Variants in AP3M1 observed in about 807,000 individuals in gnomAD.
AP3M1 encodes AP-3 complex subunit mu-1.
In AP3M1, 29 loss-of-function variants were observed where a neutral mutation model predicts 42.6. The observed-to-expected ratio is 0.68, with a 90% CI of 0.51 to 0.93. The LOEUF (loss-of-function observed/expected upper bound fraction) is 0.93, where lower values mean the gene tolerates loss of function less well. AP3M1 is among the 40% of genes least tolerant of loss of function. The pLI is 0.00. For synonymous variants in AP3M1, 178 were observed against 175.3 expected (o/e 1.02, Z -0.12); for missense variants, 416 against 510.2 (o/e 0.82, Z 1.78).
rs1213413784 is a variant in AP3M1 at position 74,127,557 on chromosome 10, G to A, written c.804-1202C>T. On this transcript the variant is annotated intron_variant, in intron 6 of 8. Coordinates refer to ENST00000355264, the MANE Select transcript of AP3M1 (RefSeq NM_012095.6). ...GCCTGTAATCCCAGCTACTTGGGAG[G>A]CTGAGGCAGGAGAATCGCTTGAACC... 1.1e-4 allele frequency among the ~76,000 whole-genome samples: 16 copies of A among 151,968 alleles called. 1 individual carries two copies. The highest frequency in any genetic ancestry group is 1.0e-3 in the Admixed American group (16 of 15,258).
intron 1 of AP3M1, among the ~76,000 whole-genome samples, chr10:74,142,012 C>A (rs975541221): frequency 1.3e-5 from 2 of 152,032 alleles, no homozygotes; most frequent in African/African-American, 4.8e-5. Flanking sequence ...TGAGACACCG[C>A]ACCTGGCCAA....
intron 4 of AP3M1, among the ~76,000 whole-genome samples, chr10:74,133,648 A>C (rs922329832): frequency 6.6e-6 from 1 of 151,236 alleles, no homozygotes; most frequent in Non-Finnish European, 1.5e-5. Context: ...AAGGACTTCA[A>C]TTTTCTTTTC....
At chr10:74,126,664 C>G (rs1048524215) in intron 6 of AP3M1, among the ~76,000 whole-genome samples, 3 of 151,954 alleles carry the variant, frequency 2.0e-5, no homozygotes, top group Non-Finnish European at 4.4e-5. Flanking sequence ...TGAGACCAGC[C>G]TGGCCAACAT....
At position 74,134,177 on chromosome 10, in the gene AP3M1, A is replaced by C; in HGVS notation, c.446-13T>G. The C allele has an allele frequency of 6.2e-7, 1 of 1,611,400 alleles. No individual in the cohort carries two copies. The highest frequency in any genetic ancestry group is 8.5e-7 in the Non-Finnish European group (1 of 1,178,988). ...ACATTACTACTGCCTAGAAACCAAA[A>C]AAGGAGAAGGCAAAGCTGATGTATA... On this transcript the variant is annotated splice_polypyrimidine_tract_variant and intron_variant, in intron 3 of 8. Transcript: ENST00000355264.
chr10:74,133,622 C>A (rs560626271), intron 4 of AP3M1, among the ~76,000 whole-genome samples: 1 of 151,474 alleles, frequency 6.6e-6, no homozygotes, highest in South Asian at 2.1e-4. Context: ...GCCTTTCCAC[C>A]GAAACCATAC....
At chr10:74,134,233 A>G in intron 3 of AP3M1, 69 bp from the exon 4 acceptor site, 1 of 1,505,178 alleles carries the variant, frequency 6.6e-7, no homozygotes, top group Non-Finnish European at 9.0e-7. Context: ...ATTACTAGGA[A>G]AAAAAAAGCT....
chr10:74,131,808 C>T (rs1840787266), intron 4 of AP3M1, among the ~76,000 whole-genome samples: 1 of 152,074 alleles, frequency 6.6e-6, no homozygotes, highest in South Asian at 2.1e-4. Context: ...TCCCAAAGTG[C>T]TGGGATTACA....
At chr10:74,141,569 T>C (rs1191056216) in intron 1 of AP3M1, among the ~76,000 whole-genome samples, 1 of 152,154 alleles carries the variant, frequency 6.6e-6, no homozygotes, top group Non-Finnish European at 1.5e-5. Context: ...CAAAAGAATA[T>C]ACACAGTATG....
intron 8 of AP3M1, among the ~76,000 whole-genome samples, chr10:74,124,163 T>C (rs944831286): frequency 6.6e-6 from 1 of 152,214 alleles, no homozygotes; most frequent in African/African-American, 2.4e-5. Context: ...TTTTGGTGCT[T>C]AAATGAGGGC....
intron 3 of AP3M1, among the ~76,000 whole-genome samples, chr10:74,136,356 T>A (rs1840942560): frequency 6.6e-6 from 1 of 152,144 alleles, no homozygotes. Flanking sequence ...ACTGGAACAA[T>A]TTATTCAGTC....
rs144240847 is a variant in AP3M1 at position 74,130,598 on chromosome 10, G to A, written c.584-606C>T. On this transcript the variant is annotated intron_variant, in intron 4 of 8. Coordinates refer to ENST00000355264, the MANE Select transcript of AP3M1 (RefSeq NM_012095.6). Reference sequence around the variant, plus strand: ...TGGTACTACAGGCATGCACCTCCACGCCTGGCTAATTTTTGTATTTTTTTT... The same window carrying A: ...TGGTACTACAGGCATGCACCTCCACACCTGGCTAATTTTTGTATTTTTTTT... 4.6e-3 allele frequency among the ~76,000 whole-genome samples: 694 copies of A among 151,536 alleles called. 6 individuals carry two copies. Among genetic ancestry groups the A allele is most frequent in the African/African-American group, 0.015 (632 of 41,336 alleles).
intron 1 of AP3M1, among the ~76,000 whole-genome samples, chr10:74,149,775 C>A (rs796933845): frequency 1.3e-5 from 2 of 152,232 alleles, no homozygotes; most frequent in South Asian, 2.1e-4. Context: ...TTGCTTCCTG[C>A]CCCCAAATAG....
At chr10:74,149,291 T>G (rs1841448194) in intron 1 of AP3M1, among the ~76,000 whole-genome samples, 4 of 104,576 alleles carry the variant, frequency 3.8e-5, no homozygotes, top group African/African-American at 9.6e-5. Context: ...TTTTTTTTTT[T>G]TTTTTTTTTT....
At chr10:74,126,069 C>A in intron 7 of AP3M1, 79 bp downstream of exon 7, 1 of 1,482,550 alleles carries the variant, frequency 6.7e-7, no homozygotes, top group Non-Finnish European at 9.4e-7. Flanking sequence ...GGTGCCAAAC[C>A]TTTCCCTCCA....
chr10:74,146,111 G>A (rs914211226), intron 1 of AP3M1, among the ~76,000 whole-genome samples: 6 of 152,164 alleles, frequency 3.9e-5, no homozygotes, highest in Non-Finnish European at 8.8e-5. Context: ...TAATTCCTAC[G>A]ATGATACAGG....
intron 1 of AP3M1, among the ~76,000 whole-genome samples, chr10:74,149,052 T>C (rs1350775331): frequency 6.6e-6 from 1 of 151,526 alleles, no homozygotes; most frequent in African/African-American, 2.4e-5. Context: ...TTTATATTTT[T>C]AGTAGTGACG....
rs1441482231 is a variant in AP3M1 at position 74,122,058 on chromosome 10, C to G, written c.*1752G>C. 2 of 151,964 alleles carry G rather than the reference C, an allele frequency of 1.3e-5. No individual in the cohort carries two copies. The highest frequency in any genetic ancestry group is 2.9e-5 in the Non-Finnish European group (2 of 68,020). The allele number at this position is 151,964 out of a possible 1,614,324, so 9.4% of individuals were successfully genotyped here. On this transcript the variant is annotated 3_prime_UTR_variant, in exon 9 of 9. Coordinates refer to ENST00000355264, the MANE Select transcript of AP3M1 (RefSeq NM_012095.6). The stretch of plus-strand genomic sequence containing the variant: ...TTTTGAGGTACGAACTCTGAAGAGT[C>G]AAGACATTAAAAATAAAAAGCAATT...
At chr10:74,136,491 G>T in intron 3 of AP3M1, 141 bp downstream of exon 3, 1 of 531,156 alleles carries the variant, frequency 1.9e-6, no homozygotes, top group Non-Finnish European at 3.0e-6. Flanking sequence ...TAAATATATA[G>T]TACATCCATT....
intron 1 of AP3M1, among the ~76,000 whole-genome samples, chr10:74,142,309 C>T (rs1346816989): frequency 6.6e-6 from 1 of 152,120 alleles, no homozygotes; most frequent in Non-Finnish European, 1.5e-5. Flanking sequence ...CCTATGAATA[C>T]AGTTTCTATG....
Sources: gnomAD v4.1 joint callset for allele counts (sites outside exome capture counted in the v4.1 genomes callset) on GRCh38, gnomAD v4.1.1 for gene constraint, MANE v1.5 for transcripts, NCBI Gene and HGNC (gene_info 2026-07-23, HGNC 2026-07-21) for gene names.